GPC5: variants seen among roughly 807,000 people sequenced by gnomAD.
The protein encoded by GPC5 is glypican-5.
A neutral mutation model predicts 53.9 loss-of-function variants in GPC5; 47 were observed. The observed-to-expected ratio is 0.87, with a 90% CI of 0.69 to 1.11. The LOEUF is 1.11. Among genes scored for constraint, GPC5 ranks in the 50% most tolerant of loss-of-function variants. The probability of loss-of-function intolerance (pLI) is 0.00; values close to 1 mark genes in which losing one functional copy is unlikely to be tolerated. For synonymous variants in GPC5, 286 were observed against 263.3 expected (o/e 1.09, Z -0.84); for missense variants, 748 against 713.1 (o/e 1.05, Z -0.56).
rs1320277738 is a variant in GPC5, at chr13:92,618,444, C to G, written c.1562-247838C>G. ...AGAAGATTACAAAGTATATAGTTAA[C>G]TCCTCCTAATACTAATGATGGGCAA... is the stretch of plus-strand genomic sequence containing the variant. On this transcript the variant is annotated intron_variant, in intron 7 of 7. Transcript: ENST00000377067. Among the ~76,000 whole-genome samples the G allele has an allele frequency of 2.0e-5, 3 of 152,094 alleles. No homozygotes were observed. The East Asian group carries it at 5.8e-4, about 29-fold the overall frequency.
At chr13:92,504,342 A>T (rs778259043) in intron 7 of GPC5, among the ~76,000 whole-genome samples, 53 of 151,984 alleles carry the variant, frequency 3.5e-4, no homozygotes, top group Admixed American at 1.1e-3. Flanking sequence ...AATCAAAGGA[A>T]GCCTAAACAA....
intron 1 of GPC5, among the ~76,000 whole-genome samples, chr13:91,404,990 C>G (rs549844036): frequency 6.6e-6 from 1 of 152,232 alleles, no homozygotes; most frequent in South Asian, 2.1e-4. Context: ...TGTTAAATAT[C>G]TTTCTAAGCC....
chr13:92,069,776 A>C (rs2041196309), intron 6 of GPC5, among the ~76,000 whole-genome samples: 1 of 152,132 alleles, frequency 6.6e-6, no homozygotes, highest in African/African-American at 2.4e-5. Flanking sequence ...ATCTGGATAG[A>C]ATTCCCATTT....
At chr13:91,571,391 C>T (rs1320284469) in intron 2 of GPC5, among the ~76,000 whole-genome samples, 1 of 152,084 alleles carries the variant, frequency 6.6e-6, no homozygotes. Flanking sequence ...GAATGTACTG[C>T]ATATTTTTTG....
At chr13:91,682,359 T>G (rs2035528092) in intron 2 of GPC5, among the ~76,000 whole-genome samples, 1 of 152,234 alleles carries the variant, frequency 6.6e-6, no homozygotes, top group Non-Finnish European at 1.5e-5. Flanking sequence ...TATTCCTTAA[T>G]GGTTTTTCAG....
chr13:92,385,664 C>T (rs1328497139), intron 7 of GPC5, among the ~76,000 whole-genome samples: 1 of 140,874 alleles, frequency 7.1e-6, no homozygotes, highest in Non-Finnish European at 1.5e-5. Context: ...TATATATATA[C>T]ATATATACAT....
Position 91,398,939 on chromosome 13 carries a change from GC to G in GPC5, c.-107del. 7.1e-7 allele frequency: 1 copy of G among 1,402,496 alleles called. No individual in the cohort carries two copies. Among genetic ancestry groups the G allele is most frequent in the South Asian group, 1.4e-5 (1 of 69,002 alleles). The allele number at this position is 1,402,496 out of a possible 1,614,324, so 86.9% of individuals were successfully genotyped here. On this transcript the variant is annotated 5_prime_UTR_variant, in exon 1 of 8. Transcript: ENST00000377067. ...GGTCCGTACACCCCGCAGCCGGCTC[GC>G]ACCGCTCGAGAGCCTCGGCCGCTGT... is the stretch of plus-strand genomic sequence containing the variant.
At chr13:92,517,431 C>T (rs1191701449) in intron 7 of GPC5, among the ~76,000 whole-genome samples, 5 of 152,304 alleles carry the variant, frequency 3.3e-5, no homozygotes, top group African/African-American at 4.8e-5. Context: ...CTGGGAGGCA[C>T]CTCCAAGTAG....
chr13:92,437,635 C>A (rs1478680581), intron 7 of GPC5, among the ~76,000 whole-genome samples: 1 of 152,076 alleles, frequency 6.6e-6, no homozygotes, highest in Non-Finnish European at 1.5e-5. Flanking sequence ...TCTATTACTT[C>A]CATAATAATT....
At chr13:92,742,498 T>A (rs572926089) in intron 7 of GPC5, among the ~76,000 whole-genome samples, 1 of 149,728 alleles carries the variant, frequency 6.7e-6, no homozygotes, top group East Asian at 2.2e-4. Context: ...GTCAGATGAG[T>A]AGATTGCAAA....
chr13:91,552,238 G>GT (rs2073042210), intron 2 of GPC5, among the ~76,000 whole-genome samples: 1 of 151,934 alleles, frequency 6.6e-6, no homozygotes, highest in Non-Finnish European at 1.5e-5. Flanking sequence ...ATTCCTTGTT[G>GT]TTTTTTTCCA....
intron 4 of GPC5, among the ~76,000 whole-genome samples, chr13:91,748,295 GTC>G (rs1176510172): frequency 6.6e-6 from 1 of 152,170 alleles, no homozygotes; most frequent in Non-Finnish European, 1.5e-5. Flanking sequence ...CTTTAGTAGA[GTC>G]TGGCTCAGTT....
chr13:91,587,342 TA>T (rs2032636931), intron 2 of GPC5, among the ~76,000 whole-genome samples: 1 of 152,182 alleles, frequency 6.6e-6, no homozygotes, highest in Non-Finnish European at 1.5e-5. Context: ...AGTAGTTTCC[TA>T]GTATCTGACA....
At chr13:91,841,577 G>C (rs2038788428) in intron 5 of GPC5, among the ~76,000 whole-genome samples, 1 of 148,654 alleles carries the variant, frequency 6.7e-6, no homozygotes. Context: ...CATTGTAGAA[G>C]TAGTCAGCTT....
intron 7 of GPC5, among the ~76,000 whole-genome samples, chr13:92,211,095 A>T (rs1208101750): frequency 6.6e-6 from 1 of 152,152 alleles, no homozygotes; most frequent in Non-Finnish European, 1.5e-5. Flanking sequence ...AGGGCCTCAG[A>T]CATGTAATAA....
At chr13:92,238,376 A>C (rs1408959459) in intron 7 of GPC5, among the ~76,000 whole-genome samples, 1 of 151,954 alleles carries the variant, frequency 6.6e-6, no homozygotes, top group Non-Finnish European at 1.5e-5. Flanking sequence ...CTTATTTTCT[A>C]TCCTTTTGAT....
intron 6 of GPC5, among the ~76,000 whole-genome samples, chr13:91,926,838 A>G (rs959874814): frequency 1.8e-4 from 27 of 152,228 alleles, no homozygotes; most frequent in African/African-American, 5.8e-4. Context: ...GAGGCTTTGC[A>G]TGGACACAGT....
intron 5 of GPC5, among the ~76,000 whole-genome samples, chr13:91,847,693 A>C (rs1011690259): frequency 6.6e-6 from 1 of 152,212 alleles, no homozygotes; most frequent in East Asian, 1.9e-4. Context: ...ACACCAGATT[A>C]TTTAGAAATA....
At chr13:92,803,145 T>G (rs1222396146) in intron 7 of GPC5, among the ~76,000 whole-genome samples, 3 of 151,946 alleles carry the variant, frequency 2.0e-5, no homozygotes, top group African/African-American at 7.2e-5. Flanking sequence ...CTTTCCTCAA[T>G]AAGTTATTAT....
Sources: gnomAD v4.1 joint callset for allele counts (sites outside exome capture counted in the v4.1 genomes callset) on GRCh38, gnomAD v4.1.1 for gene constraint, MANE v1.5 for transcripts, NCBI Gene and HGNC (gene_info 2026-07-23, HGNC 2026-07-21) for gene names.